Variants in SLC6A7 observed in about 807,000 individuals in gnomAD.
The protein encoded by SLC6A7 is solute carrier family 6 member 7.
Under a neutral mutation model 73.1 loss-of-function variants are expected in SLC6A7, and 58 were observed. That is an observed-to-expected ratio of 0.79 (90% CI 0.64 to 0.99). The LOEUF (loss-of-function observed/expected upper bound fraction) is 0.99, where lower values mean the gene tolerates loss of function less well. Among genes scored for constraint, SLC6A7 ranks in the 50% least tolerant of loss-of-function variants. The pLI is 0.00. For synonymous variants in SLC6A7, 338 were observed against 338.7 expected (o/e 1.00, Z 0.02); for missense variants, 783 against 831.4 (o/e 0.94, Z 0.72).
In SLC6A7 at chr5:150,202,371, A is replaced by G. The variant is rs750294749; in HGVS notation, c.883A>G (p.Ile295Val). The change falls in exon 7 of 14, where the codon ATC (isoleucine) becomes GTC (valine). Residue 295 changes from isoleucine (I) to valine (V), a missense_variant. By Grantham distance (29) the Ile-to-Val change is conservative (BLOSUM62 3). Coordinates refer to ENST00000230671, the MANE Select transcript of SLC6A7 (RefSeq NM_014228.5). ...GGTGTGGATTGAAGCTGCTCTTCAGATCTTCTATTCCCTGGGTGTGGGCTT... is the reference window on the plus strand; with the variant it reads ...GGTGTGGATTGAAGCTGCTCTTCAGGTCTTCTATTCCCTGGGTGTGGGCTT... ...SKVWIEAALQIFYSLGVGFGG... is the reference protein window; with the variant it reads ...SKVWIEAALQVFYSLGVGFGG... The G allele has an allele frequency of 3.7e-6, 6 of 1,613,996 alleles. No homozygotes were observed. The Admixed American group carries it at 1.0e-4, about 27-fold the overall frequency.
At chr5:150,192,086 C>T (rs370270448) in intron 1 of SLC6A7, among the ~76,000 whole-genome samples, 1 of 151,644 alleles carries the variant, frequency 6.6e-6, no homozygotes, top group African/African-American at 2.4e-5. Context: ...TTTCCCTTTT[C>T]TCAAGCAGAA....
chr5:150,190,782 G>T (rs947573205), intron 1 of SLC6A7, among the ~76,000 whole-genome samples: 2 of 152,102 alleles, frequency 1.3e-5, no homozygotes, highest in South Asian at 2.1e-4. Flanking sequence ...GTGGGAGGCG[G>T]TCATCCATAC....
At position 150,194,804 on chromosome 5, in the gene SLC6A7, G is replaced by C. The variant is rs377479964; in HGVS notation, c.110G>C (p.Arg37Pro). 12 of 1,613,668 alleles carry C rather than the reference G, an allele frequency of 7.4e-6. No individual in the cohort carries two copies. The highest frequency in any genetic ancestry group is 1.0e-5 in the Non-Finnish European group (12 of 1,179,712). ...CTGGATGTGGACTTTGCTGCACACC[G>C]GGGGAACTGGACAGGCAAGCTGGAC... ...VDLDVDFAAH[R>P]GNWTGKLDFL... is the part of the protein sequence containing the mutation. Residue 37 changes from arginine (R) to proline (P), a missense_variant, in exon 2 of 14, where the codon CGG (arginine) becomes CCG (proline). By Grantham distance (103) the Arg-to-Pro change is moderately radical. Transcript: ENST00000230671.
chr5:150,205,738 T>A, intron 13 of SLC6A7, 115 bp downstream of exon 13: 1 of 917,096 alleles, frequency 1.1e-6, no homozygotes, highest in Non-Finnish European at 1.6e-6. Flanking sequence ...TCTTTTAGCC[T>A]GAGGAGACTT....
intron 4 of SLC6A7, among the ~76,000 whole-genome samples, chr5:150,198,115 G>GAAGGAAAGAAAAAGAA (rs1224170798): frequency 1.3e-5 from 1 of 77,534 alleles, no homozygotes; most frequent in African/African-American, 4.0e-5. Flanking sequence ...AAGAAAGAAA[G>GAAGGAAAGAAAAAGAA]AGAAAGAAAG....
chr5:150,196,314 A>C (rs1226271636), intron 2 of SLC6A7, among the ~76,000 whole-genome samples: 1 of 152,194 alleles, frequency 6.6e-6, no homozygotes, highest in Non-Finnish European at 1.5e-5. Context: ...CCACGGAACC[A>C]CAGGTGGCAG....
intron 1 of SLC6A7, among the ~76,000 whole-genome samples, chr5:150,193,645 G>A (rs1001231679): frequency 6.6e-6 from 1 of 152,102 alleles, no homozygotes; most frequent in Non-Finnish European, 1.5e-5. Context: ...CCTCCCTCAG[G>A]GGAACCCCCA....
At position 150,203,922 on chromosome 5, in the gene SLC6A7, AC is replaced by A; in HGVS notation, c.1218del (p.Ile407LeufsTer2). ...GLDSQFAFLE[T>X]IVTAVTDEFP... The stretch of plus-strand genomic sequence containing the variant: ...CTCTCCTCAGTTTGCTTTTCTGGAG[AC>A]CATTGTGACAGCTGTGACAGATGAG... On this transcript the variant is annotated frameshift_variant, in exon 10 of 14. Transcript: ENST00000230671. LOFTEE classifies it high-confidence loss of function. The A allele has an allele frequency of 6.2e-7, 1 of 1,612,126 alleles. No individual in the cohort carries two copies. Among genetic ancestry groups the A allele is most frequent in the Non-Finnish European group, 8.5e-7 (1 of 1,179,744 alleles).
chr5:150,202,775 A>G, intron 8 of SLC6A7, 72 bp downstream of exon 8: 1 of 1,545,052 alleles, frequency 6.5e-7, no homozygotes, highest in Non-Finnish European at 8.8e-7. Context: ...CCAGTGGACC[A>G]GCAAGATTAT....
intron 4 of SLC6A7, among the ~76,000 whole-genome samples, chr5:150,199,000 C>T (rs1753228603): frequency 6.6e-6 from 1 of 152,148 alleles, no homozygotes; most frequent in Non-Finnish European, 1.5e-5. Flanking sequence ...TCTCGAACTC[C>T]TATCCTCAAG....
chr5:150,196,603 G>T (rs1189840984), intron 2 of SLC6A7, 113 bp from the exon 3 acceptor site: 3 of 1,033,056 alleles, frequency 2.9e-6, no homozygotes, highest in Admixed American at 4.5e-5. Context: ...GAAACCTACA[G>T]TGTTCCATCA....
chr5:150,199,733 C>G (rs928449897), intron 5 of SLC6A7, among the ~76,000 whole-genome samples: 3 of 152,194 alleles, frequency 2.0e-5, no homozygotes, highest in African/African-American at 7.2e-5. Flanking sequence ...TTATCACACT[C>G]AGTTGGAAAG....
At chr5:150,198,646 C>T (rs1300686767) in intron 4 of SLC6A7, among the ~76,000 whole-genome samples, 2 of 152,122 alleles carry the variant, frequency 1.3e-5, no homozygotes, top group Non-Finnish European at 2.9e-5. Context: ...AGGGACTTTT[C>T]AGAGGGTCAT....
At position 150,203,820 on chromosome 5, in the gene SLC6A7, G is replaced by GGGGT. The variant is rs1554116763; in HGVS notation, c.1200+42_1200+43insGGTG. 9.8e-5 allele frequency: 79 copies of GGGGT among 802,618 alleles called. No individual in the cohort carries two copies. In the African/African-American group the frequency reaches 1.4e-3, roughly 14 times the overall value. The allele number at this position is 802,618 out of a possible 1,614,324, so 49.7% of individuals were successfully genotyped here. Reference sequence around the variant, plus strand: ...GGCAGCAGGCACCCCGTGTGTGTGTGGTGTGTGTGTGTGTGTGTGTGTGTG... The same window carrying GGGGT: ...GGCAGCAGGCACCCCGTGTGTGTGTGGGGTGTGTGTGTGTGTGTGTGTGTGTGTG... On this transcript the variant is annotated intron_variant, in intron 9 of 13. Coordinates refer to ENST00000230671, the MANE Select transcript of SLC6A7 (RefSeq NM_014228.5).
chr5:150,200,977 C>T (rs1753347832), intron 5 of SLC6A7, 112 bp from the exon 6 acceptor site: 1 of 1,139,772 alleles, frequency 8.8e-7, no homozygotes, highest in Non-Finnish European at 1.3e-6. Flanking sequence ...AGGCCGGTTC[C>T]TGGCTTGGGC....
rs116050159 is a variant in SLC6A7 at position 150,207,929 on chromosome 5, G to A, written c.1702-1477G>A. Among the ~76,000 whole-genome samples, 813 of 151,810 alleles carry A rather than the reference G, an allele frequency of 5.4e-3. 8 individuals are homozygous for A. The highest frequency in any genetic ancestry group is 0.019 in the African/African-American group (770 of 41,376). On this transcript the variant is annotated intron_variant, in intron 13 of 13. Transcript: ENST00000230671. ...ATGTCTGGAGACATTGTTGGTTGTC[G>A]TGGAGGGGAGAGGGATACAAGGAGG...
At chr5:150,200,586 A>G (rs116336410) in intron 5 of SLC6A7, among the ~76,000 whole-genome samples, 1 of 152,374 alleles carries the variant, frequency 6.6e-6, no homozygotes, top group African/African-American at 2.4e-5. Flanking sequence ...GGTGCAGACG[A>G]TACCAGAAGT....
intron 4 of SLC6A7, 59 bp from the exon 5 acceptor site, chr5:150,199,169 C>G: frequency 6.6e-7 from 1 of 1,515,160 alleles, no homozygotes; most frequent in Non-Finnish European, 8.8e-7. Context: ...TGGCTTGACT[C>G]CATGTCTGTG....
In SLC6A7 at chr5:150,205,601, G is replaced by A. The variant is rs202213380; in HGVS notation, c.1679G>A (p.Arg560Gln). 35 of 1,611,760 alleles carry A rather than the reference G, an allele frequency of 2.2e-5. No homozygotes were observed. Among genetic ancestry groups the A allele is most frequent in the South Asian group, 1.9e-4 (17 of 90,734 alleles). ...GCTGGCATGCTGGTGGCTGTGCTTC[G>A]AGAAGAGGGCTCACTCTGGGAGGTG... ...IPAGMLVAVLREEGSLWERLQ... is the reference protein window; with the variant it reads ...IPAGMLVAVLQEEGSLWERLQ... The change falls in exon 13 of 14, where the codon CGA (arginine) becomes CAA (glutamine). Residue 560 changes from arginine (R) to glutamine (Q), a missense_variant. Coordinates refer to ENST00000230671, the MANE Select transcript of SLC6A7 (RefSeq NM_014228.5).
Sources: allele counts gnomAD v4.1 joint callset (sites outside exome capture counted in the v4.1 genomes callset), GRCh38; gene constraint gnomAD v4.1.1; transcripts MANE v1.5; gene names NCBI Gene and HGNC (gene_info 2026-07-23, HGNC 2026-07-21).